The following ASIP variants were observed in gnomAD, a reference collection of about 807,000 sequenced individuals.
The protein encoded by ASIP is agouti signaling protein, also known as agouti-signaling protein.
ASIP carries 11 observed loss-of-function variants against 10.3 expected under a neutral mutation model. That is an observed-to-expected ratio of 1.07 (90% CI 0.68 to 1.78). The LOEUF is 1.78. Ranked by LOEUF, ASIP falls within the 40% of genes most tolerant of loss-of-function variation. The pLI is 0.00. For synonymous variants in ASIP, 70 were observed against 70.8 expected, an observed-to-expected ratio of 0.99 and a Z score of 0.06; for missense variants, 180 against 169.2, an observed-to-expected ratio of 1.06 and a Z score of -0.35.
intron 1 of ASIP, chr20:34,215,021 A>G (rs2034998289): frequency 2.1e-6 from 3 of 1,456,276 alleles, no homozygotes; most frequent in African/African-American, 1.4e-5. Context: ...TTCCTGGTCA[A>G]TGCTGAAAAG....
intron 1 of ASIP, among the ~76,000 whole-genome samples, chr20:34,247,394 G>A (rs904236542): frequency 1.4e-5 from 2 of 147,344 alleles, no homozygotes; most frequent in African/African-American, 5.0e-5. Flanking sequence ...TCCGCCTCCC[G>A]GGTTCAAGCG....
chr20:34,226,756 T>G (rs574145948), intron 1 of ASIP, among the ~76,000 whole-genome samples: 4 of 152,350 alleles, frequency 2.6e-5, no homozygotes, highest in Non-Finnish European at 5.9e-5. Flanking sequence ...ATACTTAATT[T>G]TTTTTTATGT....
rs553711179 is a variant in ASIP at position 34,256,924 on chromosome 20, T to A, written c.-10-3441T>A. ...GCCACCCGAGTAGCTGGGAACACAGTCTTGTGCCGCCACTCCCTGCTAAGA... is the reference window on the plus strand; with the variant it reads ...GCCACCCGAGTAGCTGGGAACACAGACTTGTGCCGCCACTCCCTGCTAAGA... On this transcript the variant is annotated intron_variant, in intron 1 of 3. Coordinates refer to ENST00000374954, the MANE Select transcript of ASIP (RefSeq NM_001672.3). Among the ~76,000 whole-genome samples the A allele has an allele frequency of 1.7e-3, 251 of 152,024 alleles. 1 individual carries two copies. The highest frequency in any genetic ancestry group is 5.6e-3 in the African/African-American group (231 of 41,470).
chr20:34,219,070 T>C (rs1190195169), intron 1 of ASIP, among the ~76,000 whole-genome samples: 1 of 152,170 alleles, frequency 6.6e-6, no homozygotes, highest in Non-Finnish European at 1.5e-5. Flanking sequence ...GGCAGTTGTA[T>C]AGACTTCCAA....
intron 1 of ASIP, among the ~76,000 whole-genome samples, chr20:34,223,612 G>A (rs1419789001): frequency 2.9e-5 from 4 of 136,740 alleles, no homozygotes; most frequent in South Asian, 2.2e-4. Context: ...TCAGCCCCCC[G>A]CCCGGCCAGC....
chr20:34,192,163 A>T (rs2034828091), upstream of ASIP, among the ~76,000 whole-genome samples: 1 of 151,842 alleles, frequency 6.6e-6, no homozygotes, highest in South Asian at 2.1e-4. Context: ...CAGCCTCCCA[A>T]GTTGCTGGGA....
intron 1 of ASIP, among the ~76,000 whole-genome samples, chr20:34,250,525 C>T (rs1405963656): frequency 6.6e-6 from 1 of 152,078 alleles, no homozygotes; most frequent in Non-Finnish European, 1.5e-5. Flanking sequence ...AGGCCGAGCA[C>T]GGTGGCTCAC....
rs1491250719 is a variant in ASIP at position 34,235,899 on chromosome 20, A to AAGGAAGGAGGAGGGAGGGAAGAATG, written c.-10-24465_-10-24464insGGAAGGAGGAGGGAGGGAAGAATGA. Among the ~76,000 whole-genome samples the AAGGAAGGAGGAGGGAGGGAAGAATG allele has an allele frequency of 3.1e-5, 2 of 64,626 alleles. 1 individual carries two copies. Among genetic ancestry groups the AAGGAAGGAGGAGGGAGGGAAGAATG allele is most frequent in the African/African-American group, 5.0e-4 (2 of 3,986 alleles). 42.4% of individuals were successfully genotyped at this position (64,626 alleles called of 152,430 possible). ...GAAGGAAGGAAGGAAGGAAGGAAGG[A>AAGGAAGGAGGAGGGAGGGAAGAATG]AAGGAAGGAAGGAAGGAAGGAAGGA... On this transcript the variant is annotated intron_variant, in intron 1 of 3. Coordinates refer to the ASIP transcript ENST00000568305.
intron 1 of ASIP, among the ~76,000 whole-genome samples, chr20:34,205,176 T>C (rs1263648546): frequency 6.6e-6 from 1 of 152,176 alleles, no homozygotes; most frequent in African/African-American, 2.4e-5. Context: ...TTCCTTCAGT[T>C]GTTCAGATGT....
intron 1 of ASIP, among the ~76,000 whole-genome samples, chr20:34,222,691 T>C (rs75154314): frequency 1.1e-4 from 17 of 151,430 alleles, no homozygotes; most frequent in African/African-American, 2.4e-4. Flanking sequence ...CATGCGGAGC[T>C]GAAGCTGGAC....
chr20:34,262,593 G>A (rs2035712877), intron 2 of ASIP, among the ~76,000 whole-genome samples: 1 of 152,170 alleles, frequency 6.6e-6, no homozygotes, highest in African/African-American at 2.4e-5. Context: ...CCCAGTGCCT[G>A]CTTGGATTTC....
intron 3 of ASIP, among the ~76,000 whole-genome samples, chr20:34,264,585 T>G (rs1260265426): frequency 6.6e-6 from 1 of 152,190 alleles, no homozygotes. Context: ...ATTACTTGAT[T>G]GATACTATAG....
At chr20:34,258,760 GATATATATAAT>G (rs2035631268) in intron 1 of ASIP, among the ~76,000 whole-genome samples, 1 of 70,316 alleles carries the variant, frequency 1.4e-5, no homozygotes, top group Non-Finnish European at 2.7e-5. Context: ...TATAATATAT[GATATATATAAT>G]ATATATAGTA....
upstream of ASIP, among the ~76,000 whole-genome samples, chr20:34,191,986 C>A (rs1355060487): frequency 1.3e-5 from 2 of 152,188 alleles, no homozygotes; most frequent in Non-Finnish European, 1.5e-5. Context: ...CTGCCTCGGC[C>A]TCCCAGAGTG....
intron 1 of ASIP, chr20:34,216,013 G>GC: frequency 1.4e-6 from 1 of 693,326 alleles, no homozygotes. Flanking sequence ...TCCATGGTCA[G>GC]CCAGCGGAAC....
chr20:34,250,625 C>T (rs528228004), intron 1 of ASIP, among the ~76,000 whole-genome samples: 25 of 152,270 alleles, frequency 1.6e-4, no homozygotes, highest in East Asian at 7.7e-4. Flanking sequence ...TGGTGAAACC[C>T]GATCTCTACT....
chr20:34,268,613 G>A (rs1013881154), intron 3 of ASIP, among the ~76,000 whole-genome samples: 17 of 152,044 alleles, frequency 1.1e-4, no homozygotes, highest in African/African-American at 3.9e-4. Context: ...GTGCGCACAT[G>A]TGGTCCCAGC....
intron 1 of ASIP, among the ~76,000 whole-genome samples, chr20:34,202,629 T>A (rs2034907279): frequency 6.6e-6 from 1 of 152,074 alleles, no homozygotes; most frequent in Non-Finnish European, 1.5e-5. Flanking sequence ...CCATTGTCTA[T>A]CTAATATGTG....
intron 1 of ASIP, among the ~76,000 whole-genome samples, chr20:34,247,730 TC>T (rs1177430689): frequency 1.3e-5 from 2 of 152,138 alleles, no homozygotes; most frequent in Admixed American, 6.5e-5. Context: ...TGCCTCAGCC[TC>T]CCAAGATAGC....
Sources: allele counts gnomAD v4.1 joint callset (sites outside exome capture counted in the v4.1 genomes callset), GRCh38; gene constraint gnomAD v4.1.1; transcripts MANE v1.5; gene names NCBI Gene and HGNC (gene_info 2026-07-23, HGNC 2026-07-21).